The following ELMO1 variants were observed in gnomAD, a reference collection of about 807,000 sequenced individuals.
The protein encoded by ELMO1 is engulfment and cell motility protein 1.
Under a neutral mutation model 98.9 loss-of-function variants are expected in ELMO1, and 26 were observed. The ratio of observed to expected loss-of-function variants is 0.26; its 90% CI spans 0.19 to 0.36. The LOEUF is 0.36. ELMO1 is among the 10% of genes least tolerant of loss of function. ELMO1 has a pLI of 1.00. For missense variants in ELMO1, 627 were observed against 935.2 expected (o/e 0.67, Z 4.30); for synonymous variants, 346 against 346.0 (o/e 1.00, Z 0.00).
At chr7:37,161,380 C>G (rs760517232) in intron 13 of ELMO1, among the ~76,000 whole-genome samples, 4 of 152,162 alleles carry the variant, frequency 2.6e-5, no homozygotes, top group Admixed American at 6.5e-5. Flanking sequence ...TAAGGGGCCT[C>G]CTTCCTGAGA....
chr7:37,053,564 T>A (rs1796235359), intron 15 of ELMO1, among the ~76,000 whole-genome samples: 1 of 152,238 alleles, frequency 6.6e-6, no homozygotes, highest in Non-Finnish European at 1.5e-5. Context: ...TCTGGATGTG[T>A]TCTTGTGCCC....
intron 13 of ELMO1, among the ~76,000 whole-genome samples, chr7:37,205,268 T>C (rs1340802898): frequency 6.6e-6 from 1 of 152,228 alleles, no homozygotes; most frequent in Admixed American, 6.5e-5. Flanking sequence ...AGTTAACAAC[T>C]ACTGAACCAT....
At chr7:37,076,260 TAA>T (rs1797574726) in intron 15 of ELMO1, among the ~76,000 whole-genome samples, 2 of 152,130 alleles carry the variant, frequency 1.3e-5, no homozygotes, top group Non-Finnish European at 2.9e-5. Context: ...TTTCTTGAGA[TAA>T]AAAGCCTCCA....
chr7:36,914,135 C>T (rs1784526721), intron 16 of ELMO1, among the ~76,000 whole-genome samples: 1 of 152,104 alleles, frequency 6.6e-6, no homozygotes, highest in African/African-American at 2.4e-5. Context: ...AAATAAGAGC[C>T]CTGGCTTCAC....
At chr7:37,395,280 T>C (rs1803248099) in intron 1 of ELMO1, among the ~76,000 whole-genome samples, 1 of 148,976 alleles carries the variant, frequency 6.7e-6, no homozygotes, top group Non-Finnish European at 1.5e-5. Flanking sequence ...GGCAGGAGAA[T>C]TGCTTGAACC....
rs1048113199 is a variant in ELMO1 at position 36,853,490 on chromosome 7, T to G, written c.*2061A>C. Among the ~76,000 whole-genome samples, 2 of 152,230 alleles carry G rather than the reference T, an allele frequency of 1.3e-5. No individual in the cohort carries two copies. Among genetic ancestry groups the G allele is most frequent in the Non-Finnish European group, 2.9e-5 (2 of 68,050 alleles). On this transcript the variant is annotated 3_prime_UTR_variant, in exon 22 of 22. Transcript: ENST00000310758. The stretch of plus-strand genomic sequence containing the variant: ...CCTAACACTTACTGTTTTATCATGA[T>G]GATGGGTAGATTAATAACTGCTCCT...
At chr7:37,264,231 A>AC (rs1013027165) in intron 5 of ELMO1, among the ~76,000 whole-genome samples, 3 of 152,216 alleles carry the variant, frequency 2.0e-5, no homozygotes, top group African/African-American at 7.2e-5. Flanking sequence ...TCTGGCATTT[A>AC]CCATGAGTTC....
At chr7:37,379,133 G>A (rs758550784) in intron 1 of ELMO1, among the ~76,000 whole-genome samples, 1 of 151,856 alleles carries the variant, frequency 6.6e-6, no homozygotes, top group African/African-American at 2.4e-5. Context: ...TCCGCCTCCC[G>A]GGTTCATGCC....
intron 19 of ELMO1, among the ~76,000 whole-genome samples, chr7:36,871,727 T>C (rs553144574): frequency 7.2e-5 from 11 of 152,194 alleles, no homozygotes; most frequent in African/African-American, 2.6e-4. Flanking sequence ...ACTAAAACAA[T>C]AGACAGGAAG....
chr7:37,314,885 G>A lies in ELMO1; in HGVS notation c.157C>T (p.His53Tyr), dbSNP rs970147434. 1 of 1,613,820 alleles carries A rather than the reference G, an allele frequency of 6.2e-7. No individual in the cohort carries two copies. The highest frequency in any genetic ancestry group is 8.5e-7 in the Non-Finnish European group (1 of 1,179,914). ...ATATAGAAGTTTGAACTATCGGCAT[G>A]CTGGAGTGCAAAATATTCATGGTTG... is the stretch of plus-strand genomic sequence containing the variant. ...LANHEYFALQ[H>Y]ADSSNFYITE... The change falls in exon 4 of 22, where the codon CAT becomes TAT. Residue 53 changes from histidine (H) to tyrosine (Y), a missense_variant. This residue lies in a region of ELMO1 where 123 missense variants were observed against 171.2 expected (regional missense o/e 0.72). Transcript: ENST00000310758.
At chr7:36,920,935 G>A (rs2392476) in intron 16 of ELMO1, among the ~76,000 whole-genome samples, 142,047 of 152,226 alleles carry the variant, frequency 0.93, 66,558 homozygotes, top group East Asian at 1. Context: ...ATAGTCCCCA[G>A]TGCAATAAAA....
At chr7:37,222,516 G>C in intron 10 of ELMO1, 99 bp downstream of exon 10, 1 of 1,170,168 alleles carries the variant, frequency 8.5e-7, no homozygotes, top group Non-Finnish European at 1.3e-6. Context: ...CAGGATAGCA[G>C]AGAGGCCCAA....
At chr7:37,440,195 A>C (rs1318559670) in intron 1 of ELMO1, among the ~76,000 whole-genome samples, 1 of 152,114 alleles carries the variant, frequency 6.6e-6, no homozygotes, top group East Asian at 1.9e-4. Context: ...TGTAATCACA[A>C]CACTTTGGGA....
intron 7 of ELMO1, among the ~76,000 whole-genome samples, chr7:37,243,123 T>A (rs73110803): frequency 1.2e-3 from 184 of 152,302 alleles, no homozygotes; most frequent in Middle Eastern, 3.4e-3. Flanking sequence ...TTCATTTCTG[T>A]CTATGATTTA....
intron 15 of ELMO1, among the ~76,000 whole-genome samples, chr7:37,047,277 T>A (rs1795846595): frequency 6.6e-6 from 1 of 152,210 alleles, no homozygotes; most frequent in Non-Finnish European, 1.5e-5. Context: ...CAGAAATAGC[T>A]CATTAATCGG....
chr7:37,383,862 C>A (rs1374305339), intron 1 of ELMO1, among the ~76,000 whole-genome samples: 1 of 152,122 alleles, frequency 6.6e-6, no homozygotes, highest in Non-Finnish European at 1.5e-5. Flanking sequence ...GTTGCCCAGG[C>A]TGGAGTGCAG....
chr7:37,283,201 C>T (rs1378428336), intron 4 of ELMO1, among the ~76,000 whole-genome samples: 1 of 152,096 alleles, frequency 6.6e-6, no homozygotes, highest in Non-Finnish European at 1.5e-5. Context: ...GTGTTTTAAT[C>T]AAGGACTTGT....
At chr7:37,210,535 A>T (rs1235486655) in intron 13 of ELMO1, among the ~76,000 whole-genome samples, 2 of 151,034 alleles carry the variant, frequency 1.3e-5, no homozygotes, top group African/African-American at 2.4e-5. Flanking sequence ...GTGTCTGTAT[A>T]TATGTATATG....
At chr7:37,330,730 A>G (rs1303796245) in intron 2 of ELMO1, among the ~76,000 whole-genome samples, 1 of 152,224 alleles carries the variant, frequency 6.6e-6, no homozygotes, top group African/African-American at 2.4e-5. Flanking sequence ...AAGAAGATTC[A>G]TTCTTACCAT....
Sources: gnomAD v4.1 joint callset for allele counts (sites outside exome capture counted in the v4.1 genomes callset) on GRCh38, gnomAD v4.1.1 for gene constraint, gnomAD v4.1.1 regional missense constraint, MANE v1.5 for transcripts, NCBI Gene and HGNC (gene_info 2026-07-23, HGNC 2026-07-21) for gene names.